The following SEMA3C variants were observed in gnomAD, a reference collection of about 807,000 sequenced individuals.
SEMA3C encodes the protein semaphorin-3C.
Under a neutral mutation model 89.4 loss-of-function variants are expected in SEMA3C, and 47 were observed. The observed-to-expected ratio is 0.53, with a 90% CI of 0.42 to 0.67. SEMA3C has a LOEUF of 0.67. SEMA3C is among the 30% of genes least tolerant of loss of function. SEMA3C has a pLI of 0.00. For synonymous variants in SEMA3C, 310 were observed against 320.2 expected (o/e 0.97, Z 0.34); for missense variants, 839 against 929.1 (o/e 0.90, Z 1.26).
chr7:80,786,824 GA>G (rs1375072239), intron 12 of SEMA3C, among the ~76,000 whole-genome samples: 1 of 152,204 alleles, frequency 6.6e-6, no homozygotes, highest in African/African-American at 2.4e-5. Flanking sequence ...AAGAGAGATT[GA>G]ACTTTGAGAG....
At chr7:80,886,956 C>T (rs183578652) in intron 2 of SEMA3C, among the ~76,000 whole-genome samples, 196 of 152,124 alleles carry the variant, frequency 1.3e-3, no homozygotes, top group Admixed American at 2.6e-3. Context: ...TCTTTCAATG[C>T]TAAACACTAA....
intron 12 of SEMA3C, among the ~76,000 whole-genome samples, chr7:80,787,109 T>C (rs1298584414): frequency 2.0e-5 from 3 of 151,986 alleles, no homozygotes; most frequent in Admixed American, 6.6e-5. Flanking sequence ...AAGGGGACCA[T>C]AAGGCCAGGC....
chr7:80,858,448 A>C (rs947200910), intron 2 of SEMA3C, among the ~76,000 whole-genome samples: 4 of 152,188 alleles, frequency 2.6e-5, no homozygotes, highest in African/African-American at 9.6e-5. Context: ...AACTGAAAAA[A>C]ACTGTGAATA....
At chr7:80,773,444 T>G in intron 12 of SEMA3C, among the ~76,000 whole-genome samples, 1 of 152,188 alleles carries the variant, frequency 6.6e-6, no homozygotes, top group East Asian at 1.9e-4. Context: ...ATATGACCAT[T>G]AACCATGATG....
At position 80,751,340 on chromosome 7, in the gene SEMA3C, C is replaced by A. The variant is rs1787930603; in HGVS notation, c.1644-4G>T. 1.9e-6 allele frequency: 3 copies of A among 1,613,266 alleles called. No homozygotes were observed. Among genetic ancestry groups the A allele is most frequent in the Admixed American group, 1.7e-5 (1 of 60,006 alleles). Reference sequence around the variant, plus strand: ...CACATCTTGTCTTCGGCTCCTCCTGCAAGTGCAGAAATACATAAAAGTGAC... The same window carrying A: ...CACATCTTGTCTTCGGCTCCTCCTGAAAGTGCAGAAATACATAAAAGTGAC... On this transcript the variant is annotated splice_polypyrimidine_tract_variant and splice_region_variant and intron_variant, in intron 15 of 17. Transcript: ENST00000265361.
At chr7:80,818,948 G>A (rs1789679283) in intron 4 of SEMA3C, among the ~76,000 whole-genome samples, 1 of 152,156 alleles carries the variant, frequency 6.6e-6, no homozygotes, top group African/African-American at 2.4e-5. Flanking sequence ...AACATTTACT[G>A]ATTACCTACT....
intron 11 of SEMA3C, among the ~76,000 whole-genome samples, chr7:80,796,204 T>C (rs549695855): frequency 6.6e-6 from 1 of 152,294 alleles, no homozygotes; most frequent in East Asian, 1.9e-4. Context: ...TATGACTAGG[T>C]CAATTTCAAA....
In SEMA3C at chr7:80,905,961, T is replaced by C. The variant is rs1226778047; in HGVS notation, c.103+10718A>G. The C allele has an allele frequency of 3.4e-6, 4 of 1,159,480 alleles. No individual in the cohort carries two copies. In the African/African-American group the frequency reaches 6.3e-5, roughly 18 times the overall value. The allele number at this position is 1,159,480 out of a possible 1,614,324, so 71.8% of individuals were successfully genotyped here. The stretch of plus-strand genomic sequence containing the variant: ...TTGAATGTAATTTTGTTTTGTTTTT[T>C]TTTTAACTGAATAATAAAACCTCTT... On this transcript the variant is annotated intron_variant, in intron 2 of 17. Coordinates refer to ENST00000265361, the MANE Select transcript of SEMA3C (RefSeq NM_006379.5).
chr7:80,853,636 G>C (rs1790567763), intron 2 of SEMA3C, among the ~76,000 whole-genome samples: 2 of 152,142 alleles, frequency 1.3e-5, no homozygotes, highest in Non-Finnish European at 2.9e-5. Context: ...GTGGCAGGAG[G>C]GGTTGGAGAG....
intron 16 of SEMA3C, among the ~76,000 whole-genome samples, chr7:80,750,991 T>C (rs1434979453): frequency 6.6e-6 from 1 of 152,052 alleles, no homozygotes; most frequent in South Asian, 2.1e-4. Context: ...AGAAAGAAAA[T>C]AGTAGCTAAG....
chr7:80,911,823 C>A (rs1240312098), intron 2 of SEMA3C, among the ~76,000 whole-genome samples: 4 of 151,928 alleles, frequency 2.6e-5, no homozygotes, highest in Non-Finnish European at 5.9e-5. Context: ...TTAGTAGAGA[C>A]GGGGTATCAC....
At chr7:80,809,787 G>T (rs1401668044) in intron 6 of SEMA3C, among the ~76,000 whole-genome samples, 1 of 152,088 alleles carries the variant, frequency 6.6e-6, no homozygotes, top group Non-Finnish European at 1.5e-5. Context: ...AAAAAAGAAT[G>T]AAATTTTGTC....
intron 17 of SEMA3C, among the ~76,000 whole-genome samples, chr7:80,746,718 G>GGTGGGTGTGTGTGTGTGTGTGTGT: frequency 7.0e-6 from 1 of 142,930 alleles, no homozygotes; most frequent in Non-Finnish European, 1.5e-5. Flanking sequence ...ATTGAAGTGG[G>GGTGGGTGTGTGTGTGTGTGTGTGT]GTGTGTGTGT....
intron 11 of SEMA3C, among the ~76,000 whole-genome samples, chr7:80,795,456 T>C (rs1789039655): frequency 6.6e-6 from 1 of 152,176 alleles, no homozygotes; most frequent in Non-Finnish European, 1.5e-5. Flanking sequence ...ATTTCTCAAA[T>C]CCTGACTACT....
intron 2 of SEMA3C, among the ~76,000 whole-genome samples, chr7:80,881,164 A>AACACACACACAC (rs71802410): frequency 3.0e-5 from 4 of 135,434 alleles, no homozygotes; most frequent in Admixed American, 2.3e-4. Flanking sequence ...TGGAGAAAGA[A>AACACACACACAC]ACACACACAC....
At chr7:80,769,878 A>C (rs1161502481) in intron 12 of SEMA3C, among the ~76,000 whole-genome samples, 4 of 151,402 alleles carry the variant, frequency 2.6e-5, no homozygotes, top group Admixed American at 6.6e-5. Flanking sequence ...AAAAAAAAAA[A>C]AAAAAAAAAA....
intron 15 of SEMA3C, among the ~76,000 whole-genome samples, chr7:80,757,436 C>T (rs1788090222): frequency 6.6e-6 from 1 of 152,148 alleles, no homozygotes; most frequent in Non-Finnish European, 1.5e-5. Flanking sequence ...AAGTACCCTG[C>T]CTCAGACTGA....
At chr7:80,909,765 A>C (rs181935022) in intron 2 of SEMA3C, among the ~76,000 whole-genome samples, 1 of 152,282 alleles carries the variant, frequency 6.6e-6, no homozygotes, top group East Asian at 1.9e-4. Flanking sequence ...AAGGAAAGAC[A>C]AGACTAGTAT....
At chr7:80,909,410 A>G (rs954458328) in intron 2 of SEMA3C, among the ~76,000 whole-genome samples, 17 of 152,162 alleles carry the variant, frequency 1.1e-4, no homozygotes, top group Non-Finnish European at 1.9e-4. Context: ...TATAAGAGCA[A>G]TCTTGTATTC....
Sources: allele counts gnomAD v4.1 joint callset (sites outside exome capture counted in the v4.1 genomes callset), GRCh38; gene constraint gnomAD v4.1.1; transcripts MANE v1.5; gene names NCBI Gene and HGNC (gene_info 2026-07-23, HGNC 2026-07-21).